Variants in MAP7D3 observed in about 807,000 individuals in gnomAD.
The protein encoded by MAP7D3 is MAP7 domain containing 3, also known as MAP7 domain-containing protein 3.
A neutral mutation model predicts 62.2 loss-of-function variants in MAP7D3; 45 were observed. The ratio of observed to expected loss-of-function variants is 0.72; its 90% CI spans 0.57 to 0.93. The LOEUF (loss-of-function observed/expected upper bound fraction) is 0.93. MAP7D3 is among the 40% of genes least tolerant of loss of function. The pLI is 0.00. For synonymous variants in MAP7D3, 288 were observed against 248.8 expected (o/e 1.16, Z -1.48); for missense variants, 711 against 683.1 (o/e 1.04, Z -0.45).
At chrX:136,224,750 G>T in intron 14 of MAP7D3, 77 bp downstream of exon 14, 1 of 643,642 alleles carries the variant, frequency 1.6e-6, no homozygotes, top group East Asian at 3.4e-5. Context: ...CCACCAGATT[G>T]GGTAAAGTGA....
Position 136,224,817 on chromosome X carries a change from T to C in MAP7D3, c.2193+10A>G. Reference sequence around the variant, plus strand: ...TTCTTATACACTGCTGGTAGGAGTATGGAGACTACCTTTGAGGCATTCACA... The same window carrying C: ...TTCTTATACACTGCTGGTAGGAGTACGGAGACTACCTTTGAGGCATTCACA... On this transcript the variant is annotated intron_variant, in intron 14 of 18. Coordinates refer to ENST00000316077, the MANE Select transcript of MAP7D3 (RefSeq NM_024597.4). The C allele has an allele frequency of 8.6e-7, 1 of 1,157,478 alleles. No homozygotes were observed. The highest frequency in any genetic ancestry group is 2.2e-5 in the Admixed American group (1 of 45,813).
At chrX:136,230,618 C>T (rs779609730) in intron 9 of MAP7D3, 25 bp from the exon 10 acceptor site, 1 of 1,033,076 alleles carries the variant, frequency 9.7e-7, no homozygotes, top group Admixed American at 2.4e-5. Flanking sequence ...TACACATTTG[C>T]TAATTAATTT....
intron 18 of MAP7D3, 106 bp from the exon 19 acceptor site, chrX:136,218,599 C>T (rs1240632660): frequency 8.9e-6 from 1 of 111,954 alleles, no homozygotes; most frequent in Non-Finnish European, 1.9e-5. Flanking sequence ...CTCTCAGCAG[C>T]CCCTCTGGAG....
At chrX:136,253,202 A>T (rs1382148239), upstream of MAP7D3, among the ~76,000 whole-genome samples, 5 of 112,551 alleles carry the variant, frequency 4.4e-5, no homozygotes, top group Non-Finnish European at 9.4e-5. Flanking sequence ...GATATCCAGG[A>T]TGGTAGCCAT....
downstream of MAP7D3, among the ~76,000 whole-genome samples, chrX:136,216,467 T>C (rs1297628574): frequency 5.0e-5 from 5 of 99,903 alleles, no homozygotes; most frequent in African/African-American, 1.9e-4. Flanking sequence ...CCAGGTATGG[T>C]GCCATGACTG....
chrX:136,236,229 T>G lies in MAP7D3; in HGVS notation c.736+15A>C. On this transcript the variant is annotated intron_variant, in intron 7 of 18. Coordinates refer to ENST00000316077, the MANE Select transcript of MAP7D3 (RefSeq NM_024597.4). ...TTAAATCACTATTTAAAATTTGTAT[T>G]TAGAAGTAACTAACCACGTGGCTTC... 1 of 1,041,860 alleles carries G rather than the reference T, an allele frequency of 9.6e-7. No individual in the cohort carries two copies. The highest frequency in any genetic ancestry group is 1.3e-6 in the Non-Finnish European group (1 of 756,024). The allele number at this position is 1,041,860 out of a possible 1,213,427, so 85.9% of individuals were successfully genotyped here.
upstream of MAP7D3, chrX:136,256,156 T>A (rs1358756271): frequency 9.2e-7 from 1 of 1,086,275 alleles, no homozygotes; most frequent in Admixed American, 3.3e-5. Context: ...CTCTCGTCGC[T>A]CACTCTTGTC....
upstream of MAP7D3, among the ~76,000 whole-genome samples, chrX:136,252,676 CAAAAAAAAAAA>C (rs770751343): frequency 2.8e-5 from 1 of 36,045 alleles, no homozygotes; most frequent in East Asian, 8.8e-4. Context: ...GACTCTGTCT[CAAAAAAAAAAA>C]AAAAAAAAAA....
intron 7 of MAP7D3, among the ~76,000 whole-genome samples, chrX:136,233,563 C>T (rs1048855659): frequency 9.6e-6 from 1 of 103,875 alleles, no homozygotes; most frequent in Non-Finnish European, 1.9e-5. Context: ...CGTGAGACAC[C>T]GCACCTGGCC....
Position 136,251,342 on chromosome X carries a change from G to A in MAP7D3, c.17C>T (p.Ala6Val). The change falls in exon 1 of 19, where the codon GCC (alanine) becomes GTC (valine). Residue 6 changes from alanine (A) to valine (V), a missense_variant. Physicochemically the swap from Ala to Val is moderately conservative, Grantham distance 64. Coordinates refer to ENST00000316077, the MANE Select transcript of MAP7D3 (RefSeq NM_024597.4). Reference protein sequence around the residue: MMADGAAAGAGGSPSL... With the variant: MMADGVAAGAGGSPSL... ...TGGGCTGCCGCCAGCGCCAGCTGCG[G>A]CGCCGTCCGCCATCATCGGAGTCGG... 2.7e-6 allele frequency: 3 copies of A among 1,126,522 alleles called. No individual in the cohort carries two copies. Among genetic ancestry groups the A allele is most frequent in the Non-Finnish European group, 3.5e-6 (3 of 859,108 alleles). 92.8% of individuals were successfully genotyped at this position (1,126,522 alleles called of 1,213,427 possible). A position where few individuals can be genotyped will look rare whatever the true frequency, so the allele number is the denominator to read the frequency against.
Position 136,219,690 on chromosome X carries a change from G to A in MAP7D3, c.2487-19C>T, listed in dbSNP as rs778127658. The A allele has an allele frequency of 8.7e-7, 1 of 1,143,848 alleles. No individual in the cohort carries two copies. The highest frequency in any genetic ancestry group is 3.0e-5 in the East Asian group (1 of 33,551). The allele number at this position is 1,143,848 out of a possible 1,213,427, so 94.3% of individuals were successfully genotyped here. A position where few individuals can be genotyped will look rare whatever the true frequency, so the allele number is the denominator to read the frequency against. ...AGATGGTCTGGAAAGAGACAGTTTG[G>A]TTAGAATCCCAATTATTCCCAAACC... On this transcript the variant is annotated intron_variant, in intron 16 of 18. Transcript: ENST00000316077.
rs768906189 is a variant in MAP7D3, at chrX:136,246,358, T to A, written c.71-17A>T. The A allele has an allele frequency of 1.9e-6, 2 of 1,066,532 alleles. No homozygotes were observed. The highest frequency in any genetic ancestry group is 2.6e-6 in the Non-Finnish European group (2 of 766,532). The allele number at this position is 1,066,532 out of a possible 1,213,427, so 87.9% of individuals were successfully genotyped here. A position where few individuals can be genotyped will look rare whatever the true frequency, so the allele number is the denominator to read the frequency against. ...CTGCAGCAACTAAAATACAGGGAGA[T>A]AAAAGGATTAGATGTTAAGAATACG... is the stretch of plus-strand genomic sequence containing the variant. On this transcript the variant is annotated splice_polypyrimidine_tract_variant and intron_variant, in intron 1 of 18. Coordinates refer to ENST00000316077, the MANE Select transcript of MAP7D3 (RefSeq NM_024597.4).
Position 136,220,875 on chromosome X carries a change from T to G in MAP7D3, c.2376A>C (p.Glu792Asp). The G allele has an allele frequency of 1.7e-6, 2 of 1,204,357 alleles. No homozygotes were observed. Among genetic ancestry groups the G allele is most frequent in the Non-Finnish European group, 2.3e-6 (2 of 888,522 alleles). Residue 792 changes from glutamate to aspartate, a missense_variant, in exon 16 of 19, where the codon GAA becomes GAC. Coordinates refer to ENST00000316077, the MANE Select transcript of MAP7D3 (RefSeq NM_024597.4). ...KKMTHKLVFL[E>D]DGTSQVRKEP... ...CTTTACGGACCTGGCTGGTACCATC[T>G]TCTAGAAATACCAGCTTGTGTGTCA...
chrX:136,230,901 C>T lies in MAP7D3; in HGVS notation c.1479G>A (p.Glu493=). 3.3e-6 allele frequency: 4 copies of T among 1,199,271 alleles called. No homozygotes were observed. Among genetic ancestry groups the T allele is most frequent in the Non-Finnish European group, 4.5e-6 (4 of 884,467 alleles). Residue 493 remains glutamate, a synonymous_variant, in exon 9 of 19, where the codon GAG becomes GAA. Transcript: ENST00000316077. ...IAKKRLSSYT[E]CYKWSSSPEN... ...CAGGAGATGATGACCATTTATAACA[C>T]TCAGTGTATGATGATAGACGCTTCT...
rs759432609 is a variant in MAP7D3 at position 136,217,736 on chromosome X, C to T, written c.*790G>A. ...AGATCAACTGTGAGTTTTTAGCTGT[C>T]AAAATTGTCACTGGTACACAGAAAA... On this transcript the variant is annotated 3_prime_UTR_variant, in exon 19 of 19. Transcript: ENST00000316077. The T allele has an allele frequency of 1.8e-5, 2 of 111,928 alleles. No individual in the cohort carries two copies. The highest frequency in any genetic ancestry group is 6.5e-5 in the African/African-American group (2 of 30,878). 9.2% of individuals were successfully genotyped at this position (111,928 alleles called of 1,213,427 possible). A position where few individuals can be genotyped will look rare whatever the true frequency, so the allele number is the denominator to read the frequency against.
intron 14 of MAP7D3, 60 bp downstream of exon 14, chrX:136,224,767 C>T (rs2074175074): frequency 7.7e-6 from 6 of 782,552 alleles, no homozygotes; most frequent in South Asian, 2.5e-5. Context: ...GTGAAAAACT[C>T]GGCAATAATG....
intron 14 of MAP7D3, among the ~76,000 whole-genome samples, chrX:136,224,349 G>A (rs1424981263): frequency 1.2e-4 from 13 of 104,878 alleles, no homozygotes; most frequent in African/African-American, 3.5e-4. Flanking sequence ...GCAGTGAGCC[G>A]AGATCACACC....
upstream of MAP7D3, among the ~76,000 whole-genome samples, chrX:136,255,864 GA>G (rs2074548909): frequency 9.0e-6 from 1 of 111,314 alleles, no homozygotes; most frequent in South Asian, 3.8e-4. Context: ...ACACCCTTGG[GA>G]AAAACATTCA....
At position 136,240,542 on chromosome X, in the gene MAP7D3, A is replaced by T. The variant is rs536683850; in HGVS notation, c.536-56T>A. 168 of 811,471 alleles carry T rather than the reference A, an allele frequency of 2.1e-4. 1 individual carries two copies. The South Asian group carries it at 3.4e-3, about 16-fold the overall frequency. The allele number at this position is 811,471 out of a possible 1,213,427, so 66.9% of individuals were successfully genotyped here. ...ATATTTCAAGGAGGAAAGAATCATT[A>T]ACTGAAAAAAAAATGAGTTTTCATG... is the stretch of plus-strand genomic sequence containing the variant. On this transcript the variant is annotated intron_variant, in intron 5 of 18. Coordinates refer to ENST00000316077, the MANE Select transcript of MAP7D3 (RefSeq NM_024597.4).
Sources: allele counts gnomAD v4.1 joint callset (sites outside exome capture counted in the v4.1 genomes callset), GRCh38; gene constraint gnomAD v4.1.1; transcripts MANE v1.5; gene names NCBI Gene and HGNC (gene_info 2026-07-23, HGNC 2026-07-21).